GALNT13: variants seen among roughly 807,000 people sequenced by gnomAD.
GALNT13 encodes polypeptide N-acetylgalactosaminyltransferase 13.
A neutral mutation model predicts 64.2 loss-of-function variants in GALNT13; 28 were observed. The observed-to-expected ratio is 0.44, with a 90% confidence interval of 0.32 to 0.60. GALNT13 has a LOEUF of 0.60. Among genes scored for constraint, GALNT13 ranks in the 20% least tolerant of loss-of-function variants. The probability of loss-of-function intolerance (pLI) is 0.05; values close to 1 mark genes in which losing one functional copy is unlikely to be tolerated. For synonymous variants in GALNT13, 214 were observed against 224.6 expected (o/e 0.95, Z 0.42); for missense variants, 577 against 669.8 (o/e 0.86, Z 1.53).
the GALNT13 span, among the ~76,000 whole-genome samples, chr2:153,537,404 A>G: frequency 6.6e-6 from 1 of 152,176 alleles, no homozygotes; most frequent in Non-Finnish European, 1.5e-5. Flanking sequence ...AGAGGGCTCC[A>G]AGATGTTTAT....
At chr2:154,360,302 CAAT>C (rs1395051002) in intron 9 of GALNT13, among the ~76,000 whole-genome samples, 1 of 152,066 alleles carries the variant, frequency 6.6e-6, no homozygotes, top group Non-Finnish European at 1.5e-5. Context: ...GTAAAGAAAA[CAAT>C]AATCCATTTA....
At chr2:154,219,598 C>T (rs1224499450) in intron 4 of GALNT13, among the ~76,000 whole-genome samples, 1 of 152,100 alleles carries the variant, frequency 6.6e-6, no homozygotes, top group Non-Finnish European at 1.5e-5. Flanking sequence ...CTTACAAATT[C>T]ACCACTTCAG....
chr2:154,268,839 A>T (rs1182224391), intron 8 of GALNT13, among the ~76,000 whole-genome samples: 1 of 152,156 alleles, frequency 6.6e-6, no homozygotes. Flanking sequence ...AGTAATACTC[A>T]TTAAAGCTGT....
At chr2:153,378,230 G>C in the GALNT13 span, among the ~76,000 whole-genome samples, 1 of 150,570 alleles carries the variant, frequency 6.6e-6, no homozygotes, top group Non-Finnish European at 1.5e-5. Flanking sequence ...GTTCCCAGAA[G>C]GTAAATAACA....
At chr2:153,601,297 C>G in the GALNT13 span, among the ~76,000 whole-genome samples, 1 of 151,420 alleles carries the variant, frequency 6.6e-6, no homozygotes, top group Non-Finnish European at 1.5e-5. Flanking sequence ...ATTCCTGAAA[C>G]AGAGCTTGTA....
chr2:154,236,008 C>A (rs1405526208), intron 4 of GALNT13: 10 of 1,151,224 alleles, frequency 8.7e-6, no homozygotes, highest in Admixed American at 2.6e-5. Flanking sequence ...CAAAGTAGAT[C>A]AGCTGGATTT....
At chr2:153,872,393 C>T (rs1686013004) in intron 1 of GALNT13, 90 bp downstream of exon 1, 2 of 151,668 alleles carry the variant, frequency 1.3e-5, no homozygotes, top group Admixed American at 1.3e-4. Context: ...GGCTAGGTGC[C>T]GCAAAGTCCC....
chr2:153,149,165 T>A, the GALNT13 span, among the ~76,000 whole-genome samples: 1 of 151,880 alleles, frequency 6.6e-6, no homozygotes. Flanking sequence ...TTAAATTTGG[T>A]CCAGATAATC....
At chr2:153,611,904 T>C in the GALNT13 span, among the ~76,000 whole-genome samples, 2 of 150,474 alleles carry the variant, frequency 1.3e-5, no homozygotes, top group South Asian at 4.3e-4. Context: ...CCCCTCCCTG[T>C]GTCCATGTGT....
At chr2:153,511,300 G>C in the GALNT13 span, among the ~76,000 whole-genome samples, 1 of 151,808 alleles carries the variant, frequency 6.6e-6, no homozygotes, top group Non-Finnish European at 1.5e-5. Flanking sequence ...AAAGGGGCGG[G>C]GGTTGGCTAT....
the GALNT13 span, among the ~76,000 whole-genome samples, chr2:153,225,159 GA>G: frequency 6.6e-6 from 1 of 152,236 alleles, no homozygotes; most frequent in Non-Finnish European, 1.5e-5. Context: ...TCATTTCACA[GA>G]TTCAAGGAGG....
the GALNT13 span, among the ~76,000 whole-genome samples, chr2:153,231,043 G>A: frequency 2.6e-5 from 4 of 152,110 alleles, no homozygotes; most frequent in African/African-American, 9.7e-5. Context: ...ATCGATTAAT[G>A]CTCCTCCACT....
At chr2:153,101,668 G>A in the GALNT13 span, among the ~76,000 whole-genome samples, 1 of 152,250 alleles carries the variant, frequency 6.6e-6, no homozygotes, top group South Asian at 2.1e-4. Flanking sequence ...CTTCAAAATT[G>A]ACCTACCTGG....
chr2:153,647,918 C>G, the GALNT13 span, among the ~76,000 whole-genome samples: 1 of 152,104 alleles, frequency 6.6e-6, no homozygotes, highest in African/African-American at 2.4e-5. Flanking sequence ...CAGCTTTGTT[C>G]TTTTGGCTTA....
the GALNT13 span, among the ~76,000 whole-genome samples, chr2:153,555,921 G>A: frequency 3.3e-5 from 5 of 152,122 alleles, no homozygotes; most frequent in Non-Finnish European, 7.4e-5. Context: ...ATTAAACACA[G>A]CATCATGCTT....
chr2:153,756,250 G>C, the GALNT13 span, among the ~76,000 whole-genome samples: 52 of 152,118 alleles, frequency 3.4e-4, no homozygotes, highest in African/African-American at 1.2e-3. Flanking sequence ...TTGTGGAAAA[G>C]TCAATTATTA....
the GALNT13 span, among the ~76,000 whole-genome samples, chr2:153,514,339 C>T: frequency 4.6e-5 from 7 of 152,170 alleles, no homozygotes; most frequent in African/African-American, 1.7e-4. Context: ...CATACTTCAT[C>T]TTCCTGCTTC....
chr2:153,187,179 C>T, the GALNT13 span, among the ~76,000 whole-genome samples: 4 of 152,164 alleles, frequency 2.6e-5, no homozygotes, highest in Admixed American at 6.5e-5. Context: ...TAATAATTGA[C>T]ATAATAGCCA....
the GALNT13 span, among the ~76,000 whole-genome samples, chr2:153,146,854 T>G: frequency 5.9e-5 from 9 of 151,898 alleles, no homozygotes; most frequent in Non-Finnish European, 1.3e-4. Flanking sequence ...GGATTTATAC[T>G]TCAGCGGACA....
Sources: allele counts gnomAD v4.1 joint callset (sites outside exome capture counted in the v4.1 genomes callset), GRCh38; gene constraint gnomAD v4.1.1; transcripts MANE v1.5; gene names NCBI Gene and HGNC (gene_info 2026-07-23, HGNC 2026-07-21).